Variants in CEP112 observed in about 807,000 individuals in gnomAD.
The protein encoded by CEP112 is centrosomal protein 112, also known as centrosomal protein of 112 kDa.
In CEP112, 127 loss-of-function variants were observed where a neutral mutation model predicts 153.0. The observed-to-expected ratio is 0.83, with a 90% CI of 0.72 to 0.96. The LOEUF is 0.96. Ranked by LOEUF, CEP112 falls within the 40% of genes least tolerant of loss-of-function variation. The probability of loss-of-function intolerance (pLI) is 0.00; values close to 1 mark genes in which losing one functional copy is unlikely to be tolerated. For missense variants in CEP112, 1,089 were observed against 1,101.2 expected (o/e 0.99, Z 0.16); for synonymous variants, 358 against 374.4 (o/e 0.96, Z 0.51).
intron 22 of CEP112, among the ~76,000 whole-genome samples, chr17:65,745,096 T>A (rs568939622): frequency 1.3e-5 from 2 of 152,360 alleles, no homozygotes; most frequent in African/African-American, 4.8e-5. Context: ...TTGTTACTAC[T>A]GACATAAATA....
chr17:65,761,639 T>A (rs1479066223), intron 21 of CEP112, among the ~76,000 whole-genome samples: 1 of 152,136 alleles, frequency 6.6e-6, no homozygotes, highest in Admixed American at 6.6e-5. Context: ...TATATTGAGA[T>A]TTCTTCTTTG....
At chr17:65,974,333 TC>T (rs1234821826) in intron 17 of CEP112, among the ~76,000 whole-genome samples, 1 of 152,150 alleles carries the variant, frequency 6.6e-6, no homozygotes, top group African/African-American at 2.4e-5. Flanking sequence ...CGCCTTGGCC[TC>T]CCAAAGTGCT....
chr17:66,177,529 T>C (rs2072536240), intron 2 of CEP112, among the ~76,000 whole-genome samples: 1 of 142,092 alleles, frequency 7.0e-6, no homozygotes, highest in Non-Finnish European at 1.6e-5. Context: ...CGCATCAGGA[T>C]AAATCGGGTA....
chr17:65,825,964 T>C (rs1373519888), intron 21 of CEP112, among the ~76,000 whole-genome samples: 2 of 152,206 alleles, frequency 1.3e-5, no homozygotes, highest in Admixed American at 6.5e-5. Context: ...CCAGCATATC[T>C]AGATGATGGC....
intron 21 of CEP112, among the ~76,000 whole-genome samples, chr17:65,763,753 C>T (rs917858272): frequency 3.3e-5 from 5 of 152,050 alleles, no homozygotes; most frequent in Admixed American, 6.6e-5. Context: ...GCACATTAAT[C>T]GTAGCTGTTT....
chr17:66,004,464 C>T (rs2064189605), intron 17 of CEP112, among the ~76,000 whole-genome samples: 1 of 152,134 alleles, frequency 6.6e-6, no homozygotes, highest in Admixed American at 6.5e-5. Context: ...GCACTCCAGC[C>T]TGGGTGACAG....
intron 23 of CEP112, among the ~76,000 whole-genome samples, chr17:65,692,701 A>T (rs190204494): frequency 1.3e-5 from 2 of 152,130 alleles, no homozygotes; most frequent in East Asian, 3.9e-4. Flanking sequence ...CTAAGTATGG[A>T]CTTCTCTGGG....
Position 65,993,154 on chromosome 17 carries a change from A to G in CEP112, c.1736+12536T>C, listed in dbSNP as rs981667433. Among the ~76,000 whole-genome samples the G allele has an allele frequency of 4.6e-5, 7 of 151,916 alleles. 1 individual carries two copies. The highest frequency in any genetic ancestry group is 4.6e-4 in the Admixed American group (7 of 15,266). On this transcript the variant is annotated intron_variant, in intron 17 of 26. Transcript: ENST00000535342. ...CCTCTCCCTATGTCCATGTGATCTC[A>G]TTGTTCAGTTCCCACTTATAAGTGA...
chr17:66,175,279 T>A, intron 3 of CEP112, 63 bp from the exon 4 acceptor site: 1 of 1,206,014 alleles, frequency 8.3e-7, no homozygotes. Context: ...CACTAAAATT[T>A]CCATCAAGTT....
At chr17:66,136,031 C>G (rs1422253837) in intron 4 of CEP112, among the ~76,000 whole-genome samples, 1 of 152,122 alleles carries the variant, frequency 6.6e-6, no homozygotes, top group Non-Finnish European at 1.5e-5. Flanking sequence ...ATCCAGAGAC[C>G]AGATGAGAGG....
At chr17:66,158,405 G>C (rs1475959312) in intron 4 of CEP112, among the ~76,000 whole-genome samples, 6 of 152,104 alleles carry the variant, frequency 3.9e-5, no homozygotes. Flanking sequence ...GAGGTCAGGA[G>C]ATCGAGATCA....
chr17:65,964,569 T>C (rs2062339427), intron 17 of CEP112, among the ~76,000 whole-genome samples: 1 of 152,210 alleles, frequency 6.6e-6, no homozygotes, highest in Non-Finnish European at 1.5e-5. Flanking sequence ...TTGGGTACCA[T>C]GGTCTAGACC....
At chr17:65,937,464 C>A (rs1160343387) in intron 18 of CEP112, among the ~76,000 whole-genome samples, 2 of 115,414 alleles carry the variant, frequency 1.7e-5, no homozygotes, top group South Asian at 4.4e-4. Context: ...CTCTGCCCGG[C>A]CGCCCCGTCT....
chr17:65,995,701 A>AT (rs1302627041), intron 17 of CEP112, among the ~76,000 whole-genome samples: 1 of 152,156 alleles, frequency 6.6e-6, no homozygotes, highest in East Asian at 1.9e-4. Context: ...AAAATGTCTG[A>AT]TTTTTACCCT....
intron 1 of CEP112, among the ~76,000 whole-genome samples, chr17:66,187,711 T>A (rs1858671967): frequency 6.6e-6 from 1 of 152,240 alleles, no homozygotes; most frequent in East Asian, 1.9e-4. Context: ...GCTTCAAGTA[T>A]TCGTTTCATG....
intron 1 of CEP112, among the ~76,000 whole-genome samples, chr17:66,188,727 G>GTTT (rs397940002): frequency 1.3e-5 from 2 of 151,342 alleles, no homozygotes; most frequent in African/African-American, 4.9e-5. Flanking sequence ...TTTTTTGTTT[G>GTTT]GTTGGTTTTG....
intron 24 of CEP112, among the ~76,000 whole-genome samples, chr17:65,648,430 T>G (rs935324630): frequency 1.3e-5 from 2 of 152,222 alleles, no homozygotes; most frequent in Admixed American, 1.3e-4. Context: ...TCCATGGCAA[T>G]AGACTGCCCA....
At chr17:65,940,921 T>C (rs568523759) in intron 18 of CEP112, among the ~76,000 whole-genome samples, 6 of 152,318 alleles carry the variant, frequency 3.9e-5, no homozygotes, top group Admixed American at 2.6e-4. Flanking sequence ...GTTATGGCTA[T>C]GTTAATTAGC....
intron 17 of CEP112, among the ~76,000 whole-genome samples, chr17:65,985,048 G>A (rs1023963239): frequency 6.6e-6 from 1 of 152,160 alleles, no homozygotes; most frequent in African/African-American, 2.4e-5. Context: ...TTGGCTTGAA[G>A]GTAGATGATG....
Sources: gnomAD v4.1 joint callset for allele counts (sites outside exome capture counted in the v4.1 genomes callset) on GRCh38, gnomAD v4.1.1 for gene constraint, MANE v1.5 for transcripts, NCBI Gene and HGNC (gene_info 2026-07-23, HGNC 2026-07-21) for gene names.